The following NEGR1 variants were observed in gnomAD, a reference collection of about 807,000 sequenced individuals.
NEGR1 encodes the protein IgLON family member 4.
NEGR1 carries 10 observed loss-of-function variants against 40.9 expected under a neutral mutation model. That is an observed-to-expected ratio of 0.24 (90% CI 0.15 to 0.42). The LOEUF (loss-of-function observed/expected upper bound fraction) is 0.42, where lower values mean the gene tolerates loss of function less well. Among genes scored for constraint, NEGR1 ranks in the 10% least tolerant of loss-of-function variants. The pLI is 1.00. For synonymous variants in NEGR1, 185 were observed against 166.8 expected, an observed-to-expected ratio of 1.11 and a Z score of -0.84; for missense variants, 352 against 438.9, an observed-to-expected ratio of 0.80 and a Z score of 1.77.
intron 2 of NEGR1, among the ~76,000 whole-genome samples, chr1:71,881,780 C>T (rs1660590859): frequency 6.6e-6 from 1 of 152,040 alleles, no homozygotes; most frequent in African/African-American, 2.4e-5. Flanking sequence ...TTATTTTAGG[C>T]ATAATATATT....
chr1:71,712,611 TA>T (rs1049662285), intron 3 of NEGR1, among the ~76,000 whole-genome samples: 3 of 152,206 alleles, frequency 2.0e-5, no homozygotes, highest in Admixed American at 2.0e-4. Flanking sequence ...ATAATATTCA[TA>T]AAAAATTATG....
At chr1:72,078,001 A>C (rs768250279) in intron 1 of NEGR1, among the ~76,000 whole-genome samples, 1 of 152,222 alleles carries the variant, frequency 6.6e-6, no homozygotes, top group Non-Finnish European at 1.5e-5. Context: ...ATATGGAACG[A>C]TGAATGACTA....
chr1:72,188,733 A>C (rs1341314006), intron 1 of NEGR1, among the ~76,000 whole-genome samples: 2 of 151,402 alleles, frequency 1.3e-5, no homozygotes, highest in Non-Finnish European at 3.0e-5. Flanking sequence ...AGTGTTATTA[A>C]ATTTAGATTT....
chr1:72,101,212 T>A (rs1414416177), intron 1 of NEGR1, among the ~76,000 whole-genome samples: 1 of 152,176 alleles, frequency 6.6e-6, no homozygotes, highest in East Asian at 1.9e-4. Context: ...TCAGTAGAAG[T>A]CATCTGTGTA....
At chr1:71,663,326 T>C (rs1440591979) in intron 4 of NEGR1, among the ~76,000 whole-genome samples, 2 of 152,148 alleles carry the variant, frequency 1.3e-5, no homozygotes, top group Non-Finnish European at 2.9e-5. Context: ...TTCTACATCT[T>C]AATTCTTATC....
chr1:71,929,916 G>C (rs1645838854), intron 2 of NEGR1, among the ~76,000 whole-genome samples: 1 of 151,922 alleles, frequency 6.6e-6, no homozygotes, highest in South Asian at 2.1e-4. Flanking sequence ...CTAATCTTTG[G>C]AGAATATGGC....
intron 3 of NEGR1, chr1:71,738,231 C>T (rs939427678): frequency 1.9e-4 from 40 of 206,404 alleles, no homozygotes; most frequent in African/African-American, 8.2e-4. Flanking sequence ...AAGTGGAATC[C>T]GCTCTGGCCC....
At chr1:71,730,802 T>C (rs1161959118) in intron 3 of NEGR1, among the ~76,000 whole-genome samples, 2 of 151,726 alleles carry the variant, frequency 1.3e-5, no homozygotes, top group South Asian at 2.1e-4. Context: ...TTGTTTGGCA[T>C]TTAAATCTAA....
Position 71,684,308 on chromosome 1 carries a change from A to C in NEGR1, c.667+13700T>G, listed in dbSNP as rs189002690. Among the ~76,000 whole-genome samples, 367 of 152,102 alleles carry C rather than the reference A, an allele frequency of 2.4e-3. 1 individual carries two copies. The highest frequency in any genetic ancestry group is 8.4e-3 in the African/African-American group (347 of 41,526). On this transcript the variant is annotated intron_variant, in intron 4 of 6. Transcript: ENST00000357731. ...TAACGCATATTAATTAAATATTACTAATATTATTAAAATTATTTTATCATT... is the reference window on the plus strand; with the variant it reads ...TAACGCATATTAATTAAATATTACTCATATTATTAAAATTATTTTATCATT...
At chr1:71,626,555 A>G (rs1345185987) in intron 4 of NEGR1, among the ~76,000 whole-genome samples, 2 of 151,990 alleles carry the variant, frequency 1.3e-5, no homozygotes, top group African/African-American at 4.8e-5. Context: ...TTATGGCTGC[A>G]TAGTATTCCA....
chr1:72,022,490 TAAAC>T (rs1646769878), intron 1 of NEGR1, among the ~76,000 whole-genome samples: 4 of 149,610 alleles, frequency 2.7e-5, no homozygotes, highest in African/African-American at 9.7e-5. Flanking sequence ...AGTAAACCAA[TAAAC>T]AGATAGATAT....
intron 1 of NEGR1, among the ~76,000 whole-genome samples, chr1:71,964,658 T>G (rs1451519530): frequency 1.3e-5 from 2 of 152,140 alleles, no homozygotes; most frequent in Non-Finnish European, 2.9e-5. Context: ...TGACCCAGAG[T>G]ATCCATGAAC....
intron 2 of NEGR1, among the ~76,000 whole-genome samples, chr1:71,872,752 C>T (rs1410531712): frequency 1.3e-5 from 2 of 152,060 alleles, no homozygotes; most frequent in African/African-American, 4.8e-5. Context: ...TGCTGCTGGC[C>T]ATACTGCTGA....
In NEGR1 at chr1:71,778,920, T is replaced by A. The variant is rs1386846351; in HGVS notation, c.410-2623A>T. Among the ~76,000 whole-genome samples, 8 of 152,188 alleles carry A rather than the reference T, an allele frequency of 5.3e-5. No individual in the cohort carries two copies. In the East Asian group the frequency reaches 1.3e-3, roughly 26 times the overall value. ...GAGAAACAATTAAGTCCCTTAGAAA[T>A]AAACTTAGATTTGACATTTACCTAT... is the stretch of plus-strand genomic sequence containing the variant. On this transcript the variant is annotated intron_variant, in intron 2 of 6. Coordinates refer to ENST00000357731, the MANE Select transcript of NEGR1 (RefSeq NM_173808.3).
intron 2 of NEGR1, among the ~76,000 whole-genome samples, chr1:71,820,231 G>T (rs1470548141): frequency 1.3e-5 from 2 of 151,940 alleles, no homozygotes; most frequent in African/African-American, 2.4e-5. Context: ...GATTTTAGCA[G>T]CAAAAGAACT....
intron 4 of NEGR1, among the ~76,000 whole-genome samples, chr1:71,647,433 C>T (rs369480413): frequency 2.0e-5 from 3 of 151,910 alleles, no homozygotes; most frequent in African/African-American, 7.2e-5. Flanking sequence ...GTCTTTCCCA[C>T]ATTTTTATTT....
At chr1:71,782,525 C>T (rs115834641) in intron 2 of NEGR1, among the ~76,000 whole-genome samples, 20 of 152,196 alleles carry the variant, frequency 1.3e-4, no homozygotes, top group African/African-American at 4.3e-4. Context: ...TGTTTATTAT[C>T]TGTATCTCTT....
chr1:71,546,962 T>C (rs984369856), intron 6 of NEGR1, among the ~76,000 whole-genome samples: 8 of 151,684 alleles, frequency 5.3e-5, no homozygotes, highest in Admixed American at 5.3e-4. Context: ...GCCGCAAATT[T>C]AGATGGACCA....
At chr1:72,053,091 G>A (rs1178324118) in intron 1 of NEGR1, among the ~76,000 whole-genome samples, 2 of 151,238 alleles carry the variant, frequency 1.3e-5, no homozygotes, top group African/African-American at 4.8e-5. Flanking sequence ...TTCAGGACAG[G>A]AATCATATAT....
Sources: allele counts gnomAD v4.1 joint callset (sites outside exome capture counted in the v4.1 genomes callset), GRCh38; gene constraint gnomAD v4.1.1; transcripts MANE v1.5; gene names NCBI Gene and HGNC (gene_info 2026-07-23, HGNC 2026-07-21).